The following SLC14A2 variants were observed in gnomAD, a reference collection of about 807,000 sequenced individuals.
SLC14A2 encodes urea transporter 2.
Under a neutral mutation model 104.6 loss-of-function variants are expected in SLC14A2, and 91 were observed. That is an observed-to-expected ratio of 0.87 (90% CI 0.73 to 1.04). SLC14A2 has a LOEUF of 1.04. Ranked by LOEUF, SLC14A2 falls within the 50% of genes least tolerant of loss-of-function variation. SLC14A2 has a pLI of 0.00. For missense variants in SLC14A2, 1,189 were observed against 1,156.0 expected (o/e 1.03, Z -0.41); for synonymous variants, 476 against 466.4 (o/e 1.02, Z -0.27).
chr18:45,318,562 C>T (rs754861611), intron 1 of SLC14A2, among the ~76,000 whole-genome samples: 14 of 152,118 alleles, frequency 9.2e-5, no homozygotes, highest in Non-Finnish European at 1.8e-4. Context: ...CTGAGGTGGG[C>T]GGATCACCTG....
At chr18:45,479,960 A>G (rs1043926003) in intron 1 of SLC14A2, among the ~76,000 whole-genome samples, 2 of 152,114 alleles carry the variant, frequency 1.3e-5, no homozygotes, top group Admixed American at 6.6e-5. Flanking sequence ...GGTCTTCATC[A>G]TGGGTGTGGA....
At chr18:45,193,324 A>T in the SLC14A2 span, among the ~76,000 whole-genome samples, 1 of 152,182 alleles carries the variant, frequency 6.6e-6, no homozygotes, top group African/African-American at 2.4e-5. Context: ...TAGGGACATA[A>T]AGTTTTTCGT....
At chr18:45,465,264 C>G (rs920466680) in intron 1 of SLC14A2, among the ~76,000 whole-genome samples, 1 of 152,218 alleles carries the variant, frequency 6.6e-6, no homozygotes, top group Non-Finnish European at 1.5e-5. Flanking sequence ...GTGAGAGAAG[C>G]AGTGCCTCCA....
chr18:45,637,208 G>C, intron 6 of SLC14A2, 26 bp downstream of exon 6: 1 of 1,594,764 alleles, frequency 6.3e-7, no homozygotes, highest in Non-Finnish European at 8.6e-7. Flanking sequence ...GTGATGAGTT[G>C]AGACCCCCAT....
chr18:45,634,466 G>C (rs1359083007), intron 5 of SLC14A2, among the ~76,000 whole-genome samples: 2 of 152,240 alleles, frequency 1.3e-5, no homozygotes, highest in African/African-American at 2.4e-5. Flanking sequence ...AGACATGTGT[G>C]CTCAGGGAAG....
chr18:45,185,866 T>C, the SLC14A2 span, among the ~76,000 whole-genome samples: 1 of 152,172 alleles, frequency 6.6e-6, no homozygotes, highest in African/African-American at 2.4e-5. Context: ...ACTAAATTTT[T>C]TTAAATTCCA....
chr18:45,390,094 A>G (rs571528143), intron 1 of SLC14A2, among the ~76,000 whole-genome samples: 5 of 152,340 alleles, frequency 3.3e-5, no homozygotes, highest in Admixed American at 6.5e-5. Context: ...AGGCTTTGCC[A>G]TAGGCCCTGG....
At chr18:45,537,761 A>G (rs1278461314) in intron 2 of SLC14A2, among the ~76,000 whole-genome samples, 1 of 152,200 alleles carries the variant, frequency 6.6e-6, no homozygotes, top group African/African-American at 2.4e-5. Context: ...GCTGGTAGCA[A>G]GCATCCAGAT....
the SLC14A2 span, among the ~76,000 whole-genome samples, chr18:45,195,275 A>C: frequency 3.3e-5 from 5 of 152,266 alleles, no homozygotes; most frequent in East Asian, 9.6e-4. Flanking sequence ...TGCTCCAAAA[A>C]ACATCTGGGT....
chr18:45,562,356 T>A (rs964340865), intron 2 of SLC14A2, among the ~76,000 whole-genome samples: 2 of 152,198 alleles, frequency 1.3e-5, no homozygotes, highest in African/African-American at 4.8e-5. Flanking sequence ...GAAATCTACA[T>A]GGATATGGGT....
intron 2 of SLC14A2, among the ~76,000 whole-genome samples, chr18:45,586,869 G>A (rs2044573301): frequency 6.6e-6 from 1 of 152,016 alleles, no homozygotes; most frequent in Admixed American, 6.5e-5. Context: ...AGGAGCAGTG[G>A]AGATAAAATG....
At chr18:45,433,133 C>G (rs1032294307) in intron 1 of SLC14A2, among the ~76,000 whole-genome samples, 4 of 152,086 alleles carry the variant, frequency 2.6e-5, no homozygotes, top group African/African-American at 9.7e-5. Context: ...ATTAGATAGA[C>G]ATAGGTTTGA....
chr18:45,502,598 G>T (rs2111733), intron 2 of SLC14A2, among the ~76,000 whole-genome samples: 1 of 152,168 alleles, frequency 6.6e-6, no homozygotes, highest in African/African-American at 2.4e-5. Context: ...AAGCTGAAAA[G>T]TACCCTAATT....
chr18:45,338,313 G>C (rs2085356599), intron 1 of SLC14A2, among the ~76,000 whole-genome samples: 1 of 152,006 alleles, frequency 6.6e-6, no homozygotes, highest in African/African-American at 2.4e-5. Context: ...CCATTCTCCT[G>C]CCTCAGCCTC....
chr18:45,479,555 AC>A (rs1291308596), intron 1 of SLC14A2, among the ~76,000 whole-genome samples: 2 of 152,008 alleles, frequency 1.3e-5, no homozygotes, highest in Non-Finnish European at 2.9e-5. Context: ...ACTCTCACTC[AC>A]TATCTGTGCC....
intron 2 of SLC14A2, among the ~76,000 whole-genome samples, chr18:45,573,628 A>G (rs1420460650): frequency 1.3e-5 from 2 of 152,236 alleles, no homozygotes; most frequent in African/African-American, 4.8e-5. Flanking sequence ...TGGCAGAGAA[A>G]GAATGGAAGC....
At chr18:45,552,670 C>G (rs1286704687) in intron 2 of SLC14A2, among the ~76,000 whole-genome samples, 4 of 152,158 alleles carry the variant, frequency 2.6e-5, no homozygotes, top group Admixed American at 2.6e-4. Context: ...AGTGGTTAGA[C>G]AAAGAGGAGC....
chr18:45,570,164 A>G (rs1168356883), intron 2 of SLC14A2, among the ~76,000 whole-genome samples: 1 of 152,170 alleles, frequency 6.6e-6, no homozygotes, highest in Non-Finnish European at 1.5e-5. Context: ...GCAAAGAAGG[A>G]TGAAGAACAC....
chr18:45,251,232 G>A (rs148672040), intron 1 of SLC14A2, among the ~76,000 whole-genome samples: 2,005 of 152,148 alleles, frequency 0.013, 43 homozygotes, highest in African/African-American at 0.046. Flanking sequence ...TTATGCCTTT[G>A]CATCCTCATA....
Sources: allele counts gnomAD v4.1 joint callset (sites outside exome capture counted in the v4.1 genomes callset), GRCh38; gene constraint gnomAD v4.1.1; transcripts MANE v1.5; gene names NCBI Gene and HGNC (gene_info 2026-07-23, HGNC 2026-07-21).